LPP: variants seen among roughly 807,000 people sequenced by gnomAD.
LPP encodes the protein LIM domain containing preferred translocation partner in lipoma.
LPP carries 38 observed loss-of-function variants against 60.4 expected under a neutral mutation model. That is an observed-to-expected ratio of 0.63 (90% CI 0.49 to 0.83). The LOEUF (loss-of-function observed/expected upper bound fraction) is 0.83. Ranked by LOEUF, LPP falls within the 40% of genes least tolerant of loss-of-function variation. LPP has a pLI of 0.00. For synonymous variants in LPP, 328 were observed against 290.8 expected (o/e 1.13, Z -1.30); for missense variants, 902 against 783.6 (o/e 1.15, Z -1.80).
intron 7 of LPP, among the ~76,000 whole-genome samples, chr3:188,658,016 A>T (rs1485668457): frequency 1.3e-5 from 2 of 152,190 alleles, no homozygotes; most frequent in South Asian, 4.1e-4. Flanking sequence ...TGTTGGGATT[A>T]CTTGACATAT....
chr3:188,658,446 G>T (rs1290119525), intron 7 of LPP, among the ~76,000 whole-genome samples: 1 of 151,984 alleles, frequency 6.6e-6, no homozygotes, highest in East Asian at 1.9e-4. Flanking sequence ...ACATGCAACT[G>T]GCTTAACAAA....
At chr3:188,432,475 A>AT (rs1394509172) in intron 4 of LPP, among the ~76,000 whole-genome samples, 1 of 152,204 alleles carries the variant, frequency 6.6e-6, no homozygotes, top group Non-Finnish European at 1.5e-5. Flanking sequence ...AAGTTCTAAG[A>AT]TAAAAATGTA....
intron 8 of LPP, among the ~76,000 whole-genome samples, chr3:188,750,197 C>T (rs1184480906): frequency 2.0e-5 from 3 of 152,160 alleles, no homozygotes; most frequent in African/African-American, 7.2e-5. Context: ...GCCCGTATGG[C>T]CTGATCAACA....
At chr3:188,698,080 A>T (rs1353992257) in intron 7 of LPP, among the ~76,000 whole-genome samples, 1 of 152,154 alleles carries the variant, frequency 6.6e-6, no homozygotes, top group Non-Finnish European at 1.5e-5. Flanking sequence ...TTTCTATGGG[A>T]CAATGCATAG....
chr3:188,179,410 T>C (rs1408705625), intron 1 of LPP: 3 of 457,836 alleles, frequency 6.6e-6, no homozygotes, highest in East Asian at 7.0e-5. Flanking sequence ...ACCTGCGGGC[T>C]TGGAGGGCCA....
chr3:188,353,705 G>C (rs1273893796), intron 3 of LPP, among the ~76,000 whole-genome samples: 1 of 152,146 alleles, frequency 6.6e-6, no homozygotes, highest in Non-Finnish European at 1.5e-5. Context: ...TTATGAGTTT[G>C]GGAAAAGAAT....
At chr3:188,812,073 T>A (rs888614074) in intron 9 of LPP, among the ~76,000 whole-genome samples, 1 of 152,260 alleles carries the variant, frequency 6.6e-6, no homozygotes, top group Admixed American at 6.5e-5. Flanking sequence ...GAATTCTTAT[T>A]CCCTTACGTT....
intron 2 of LPP, among the ~76,000 whole-genome samples, chr3:188,340,555 C>G (rs1762796150): frequency 6.6e-6 from 1 of 152,050 alleles, no homozygotes; most frequent in Non-Finnish European, 1.5e-5. Context: ...TCCATCCATT[C>G]TATTAAAACA....
At chr3:188,639,460 G>A (rs953860930) in intron 7 of LPP, among the ~76,000 whole-genome samples, 6 of 151,830 alleles carry the variant, frequency 4.0e-5, no homozygotes, top group African/African-American at 1.5e-4. Flanking sequence ...GCACGGGCAA[G>A]GACTTCATGT....
intron 2 of LPP, among the ~76,000 whole-genome samples, chr3:188,339,303 C>T (rs1272412481): frequency 2.0e-5 from 3 of 152,186 alleles, no homozygotes; most frequent in African/African-American, 7.2e-5. Flanking sequence ...AGGAGCTACT[C>T]AGGACACATG....
At chr3:188,202,057 G>A (rs1044963376) in intron 1 of LPP, among the ~76,000 whole-genome samples, 4 of 151,698 alleles carry the variant, frequency 2.6e-5, no homozygotes, top group Admixed American at 6.6e-5. Flanking sequence ...CTTCGGTCCC[G>A]GTTGTGGAGA....
intron 9 of LPP, among the ~76,000 whole-genome samples, chr3:188,864,525 T>C (rs769711328): frequency 1.6e-4 from 24 of 152,222 alleles, no homozygotes; most frequent in Admixed American, 9.2e-4. Flanking sequence ...ACTGAAAGTA[T>C]TGTAAGCAAA....
chr3:188,251,525 T>G (rs1161930910), intron 2 of LPP, among the ~76,000 whole-genome samples: 5 of 152,160 alleles, frequency 3.3e-5, no homozygotes, highest in Non-Finnish European at 7.3e-5. Context: ...AATATATATG[T>G]AAACAAAACC....
chr3:188,355,331 G>T (rs1324006597), intron 3 of LPP, among the ~76,000 whole-genome samples: 1 of 152,120 alleles, frequency 6.6e-6, no homozygotes, highest in Non-Finnish European at 1.5e-5. Flanking sequence ...TTTTATGTAT[G>T]ATCGTCATAA....
intron 6 of LPP, among the ~76,000 whole-genome samples, chr3:188,591,556 C>A (rs74684670): frequency 0.021 from 3,231 of 152,246 alleles, 124 homozygotes; most frequent in African/African-American, 0.075. Flanking sequence ...GCTCTGGGAG[C>A]CTTTTTCCTT....
In LPP at chr3:188,714,523, T is replaced by C. The variant is rs966462231; in HGVS notation, c.1240+6130T>C. Among the ~76,000 whole-genome samples, 7 of 152,236 alleles carry C rather than the reference T, an allele frequency of 4.6e-5. 1 individual carries two copies. In the Middle Eastern group the frequency reaches 0.017, roughly 370 times the overall value. ...AAATCACTAATAGCCACCGTTCTTA[T>C]TTTTTCAAGTCAGGTTTTTTTATAA... On this transcript the variant is annotated intron_variant, in intron 8 of 11. Coordinates refer to ENST00000617246, the MANE Select transcript of LPP (RefSeq NM_001375462.1).
At chr3:188,636,636 C>T (rs1288419073) in intron 7 of LPP, among the ~76,000 whole-genome samples, 3 of 152,164 alleles carry the variant, frequency 2.0e-5, no homozygotes, top group African/African-American at 7.2e-5. Context: ...CAGCAGTAAC[C>T]TCTGCAGACT....
chr3:188,575,330 G>A (rs989024733), intron 6 of LPP, among the ~76,000 whole-genome samples: 1 of 151,960 alleles, frequency 6.6e-6, no homozygotes, highest in Non-Finnish European at 1.5e-5. Flanking sequence ...CTAGGTTTAG[G>A]GACATCTGTC....
rs141358571 is a variant in LPP, at chr3:188,653,101, C to T, written c.1113+43257C>T. Among the ~76,000 whole-genome samples, 542 of 152,338 alleles carry T rather than the reference C, an allele frequency of 3.6e-3. 1 individual carries two copies. The highest frequency in any genetic ancestry group is 5.1e-3 in the Non-Finnish European group (350 of 68,032). On this transcript the variant is annotated intron_variant, in intron 7 of 11. Coordinates refer to ENST00000617246, the MANE Select transcript of LPP (RefSeq NM_001375462.1). ...AGACAATAGGTTGAAGCTTTCACTA[C>T]ATGTTCTTTTAGCAAAAAATTATAA...
Sources: gnomAD v4.1 joint callset for allele counts (sites outside exome capture counted in the v4.1 genomes callset) on GRCh38, gnomAD v4.1.1 for gene constraint, MANE v1.5 for transcripts, NCBI Gene and HGNC (gene_info 2026-07-23, HGNC 2026-07-21) for gene names.